PLPP3: variants seen among roughly 807,000 people sequenced by gnomAD.
PLPP3 encodes the protein PAP2 beta.
PLPP3 carries 6 observed loss-of-function variants against 29.6 expected under a neutral mutation model. The ratio of observed to expected loss-of-function variants is 0.20; its 90% CI spans 0.11 to 0.40. The LOEUF (loss-of-function observed/expected upper bound fraction) is 0.40. Among genes scored for constraint, PLPP3 ranks in the 10% least tolerant of loss-of-function variants. PLPP3 has a pLI of 1.00. For missense variants in PLPP3, 308 were observed against 407.7 expected, an observed-to-expected ratio of 0.76 and a Z score of 2.11; for synonymous variants, 152 against 159.7, an observed-to-expected ratio of 0.95 and a Z score of 0.36.
intron 2 of PLPP3, among the ~76,000 whole-genome samples, chr1:56,526,914 TCC>T (rs1222226265): frequency 1.3e-5 from 2 of 152,184 alleles, no homozygotes; most frequent in Non-Finnish European, 2.9e-5. Flanking sequence ...GCTCTCTGGT[TCC>T]CTGAACCAGA....
chr1:56,534,528 T>A (rs1810930), intron 2 of PLPP3, among the ~76,000 whole-genome samples: 76,804 of 151,858 alleles, frequency 0.51, 19,684 homozygotes, highest in African/African-American at 0.58. Flanking sequence ...GGCTCAGGAC[T>A]GCAAGCAGCA....
chr1:56,537,247 T>C (rs1457871677), intron 1 of PLPP3, 135 bp from the exon 2 acceptor site: 13 of 1,013,044 alleles, frequency 1.3e-5, no homozygotes, highest in Non-Finnish European at 1.9e-5. Flanking sequence ...TCCTTCCATT[T>C]GTAGAGATCT....
intron 1 of PLPP3, among the ~76,000 whole-genome samples, chr1:56,550,874 C>A (rs1646033592): frequency 6.6e-6 from 1 of 152,172 alleles, no homozygotes; most frequent in Non-Finnish European, 1.5e-5. Context: ...GACAGCTCCC[C>A]CTTTGTGGAA....
At chr1:56,569,423 C>T (rs1181255679) in intron 1 of PLPP3, among the ~76,000 whole-genome samples, 1 of 152,064 alleles carries the variant, frequency 6.6e-6, no homozygotes, top group Non-Finnish European at 1.5e-5. Context: ...CTGCCTGCCT[C>T]ATCCTCCCAA....
intron 1 of PLPP3, among the ~76,000 whole-genome samples, chr1:56,572,724 T>C (rs1309381318): frequency 1.3e-5 from 2 of 152,242 alleles, no homozygotes; most frequent in South Asian, 2.1e-4. Context: ...TATAGAACCA[T>C]TGAGGAGTAA....
At chr1:56,568,038 G>A (rs1048851838) in intron 1 of PLPP3, among the ~76,000 whole-genome samples, 7 of 152,124 alleles carry the variant, frequency 4.6e-5, no homozygotes, top group South Asian at 4.1e-4. Flanking sequence ...AGCCAGTCAC[G>A]AAAGACCACA....
intron 1 of PLPP3, among the ~76,000 whole-genome samples, chr1:56,575,221 G>A (rs779986304): frequency 6.6e-6 from 1 of 152,098 alleles, no homozygotes; most frequent in African/African-American, 2.4e-5. Context: ...ACAGAAAACC[G>A]ACTCATCCAC....
intron 4 of PLPP3, among the ~76,000 whole-genome samples, chr1:56,521,094 G>C (rs2100245223): frequency 6.6e-6 from 1 of 151,684 alleles, no homozygotes; most frequent in Non-Finnish European, 1.5e-5. Flanking sequence ...AATTAGCTGG[G>C]TGTGGTGGCA....
chr1:56,503,045 A>G (rs868476499), intron 5 of PLPP3, among the ~76,000 whole-genome samples: 9 of 152,164 alleles, frequency 5.9e-5, no homozygotes, highest in African/African-American at 1.4e-4. Flanking sequence ...CCCTAAGTAC[A>G]GTAAGTGCTA....
At position 56,572,216 on chromosome 1, in the gene PLPP3, A is replaced by AT. The variant is rs1646204782; in HGVS notation, c.139+6661dup. Among the ~76,000 whole-genome samples, 2 of 151,604 alleles carry AT rather than the reference A, an allele frequency of 1.3e-5. 1 individual carries two copies. The highest frequency in any genetic ancestry group is 4.2e-4 in the South Asian group (2 of 4,790). On this transcript the variant is annotated intron_variant, in intron 1 of 5. Coordinates refer to ENST00000371250, the MANE Select transcript of PLPP3 (RefSeq NM_003713.5). ...AGGCACACACCACGATGCCCGGCTA[A>AT]TTTTTGTATTTTTAGTAGAGACGGG...
chr1:56,538,958 G>GAAAAAAAAAAAAAAAAA (rs1645948817), intron 1 of PLPP3: 1 of 39,736 alleles, frequency 2.5e-5, no homozygotes, highest in Non-Finnish European at 5.1e-5. Flanking sequence ...CTTCTGGGCT[G>GAAAAAAAAAAAAAAAAA]CAAAAAAAAA....
At chr1:56,534,216 A>G (rs768033072) in intron 2 of PLPP3, among the ~76,000 whole-genome samples, 9 of 152,202 alleles carry the variant, frequency 5.9e-5, no homozygotes, top group Admixed American at 5.2e-4. Context: ...AGCCTTTGCA[A>G]GGCAGGGATA....
chr1:56,575,771 AAAGCATGCATAT>A (rs1472539413), intron 1 of PLPP3, among the ~76,000 whole-genome samples: 1 of 152,180 alleles, frequency 6.6e-6, no homozygotes, highest in Non-Finnish European at 1.5e-5. Flanking sequence ...GGGTTGCATT[AAAGCATGCATAT>A]ATGAATTTAT....
chr1:56,556,848 G>A (rs1192002047), intron 1 of PLPP3, among the ~76,000 whole-genome samples: 1 of 146,068 alleles, frequency 6.8e-6, no homozygotes, highest in African/African-American at 2.5e-5. Context: ...ATTGCTTGAG[G>A]TCAAGAGTTT....
At chr1:56,518,852 A>G (rs1462114304) in intron 4 of PLPP3, among the ~76,000 whole-genome samples, 1 of 151,902 alleles carries the variant, frequency 6.6e-6, no homozygotes, top group Non-Finnish European at 1.5e-5. Flanking sequence ...ACCCAGCCAG[A>G]ATTTATAATT....
intron 5 of PLPP3, among the ~76,000 whole-genome samples, chr1:56,509,756 C>T (rs926690580): frequency 7.0e-6 from 1 of 142,714 alleles, no homozygotes; most frequent in Non-Finnish European, 1.5e-5. Flanking sequence ...GAAGAATCTT[C>T]AACCTGAGAG....
At chr1:56,555,092 T>C (rs1646064967) in intron 1 of PLPP3, among the ~76,000 whole-genome samples, 1 of 152,282 alleles carries the variant, frequency 6.6e-6, no homozygotes, top group Non-Finnish European at 1.5e-5. Flanking sequence ...ATTTGCCAAA[T>C]GATACTTAGT....
chr1:56,553,874 G>A (rs1242213372), intron 1 of PLPP3, among the ~76,000 whole-genome samples: 2 of 152,172 alleles, frequency 1.3e-5, no homozygotes, highest in African/African-American at 4.8e-5. Flanking sequence ...AGTGTGCGAA[G>A]AAGGTTCATA....
chr1:56,523,715 A>G lies in PLPP3; in HGVS notation c.633+108T>C. On this transcript the variant is annotated intron_variant, in intron 4 of 5. Transcript: ENST00000371250. Reference sequence around the variant, plus strand: ...AACTTTTCTAGCTAACCTCTTTTTCAAGGATTTCACAGTGATGGCATGCCC... The same window carrying G: ...AACTTTTCTAGCTAACCTCTTTTTCGAGGATTTCACAGTGATGGCATGCCC... 8 of 1,251,508 alleles carry G rather than the reference A, an allele frequency of 6.4e-6. No homozygotes were observed. In the South Asian group the frequency reaches 6.5e-5, roughly 10 times the overall value. The allele number at this position is 1,251,508 out of a possible 1,614,324, so 77.5% of individuals were successfully genotyped here. A position where few individuals can be genotyped will look rare whatever the true frequency, so the allele number is the denominator to read the frequency against.
Sources: allele counts gnomAD v4.1 joint callset (sites outside exome capture counted in the v4.1 genomes callset), GRCh38; gene constraint gnomAD v4.1.1; transcripts MANE v1.5; gene names NCBI Gene and HGNC (gene_info 2026-07-23, HGNC 2026-07-21).